MXRA8: variants seen among roughly 807,000 people sequenced by gnomAD.
The protein encoded by MXRA8 is matrix remodeling associated 8.
Under a neutral mutation model 51.4 loss-of-function variants are expected in MXRA8, and 44 were observed. The ratio of observed to expected loss-of-function variants is 0.86; its 90% CI spans 0.67 to 1.10. The LOEUF is 1.10. Ranked by LOEUF, MXRA8 falls within the 50% of genes least tolerant of loss-of-function variation. The probability of loss-of-function intolerance (pLI) is 0.00; values close to 1 mark genes in which losing one functional copy is unlikely to be tolerated. For synonymous variants in MXRA8, 369 were observed against 293.5 expected (o/e 1.26, Z -2.63); for missense variants, 765 against 638.9 (o/e 1.20, Z -2.13).
upstream of MXRA8, among the ~76,000 whole-genome samples, chr1:1,359,887 G>A (rs1232708800): frequency 9.2e-5 from 14 of 152,100 alleles, no homozygotes; most frequent in Non-Finnish European, 2.1e-4. Flanking sequence ...GGCCTCTGCT[G>A]GCCTCTCCTC....
chr1:1,359,943 G>A (rs34389364), upstream of MXRA8, among the ~76,000 whole-genome samples: 115,278 of 152,168 alleles, frequency 0.76, 48,154 homozygotes, highest in Non-Finnish European at 0.93. Flanking sequence ...CTGCCCGCCC[G>A]CCCATGTCTG....
In MXRA8 at chr1:1,354,484, G is replaced by A; in HGVS notation, c.975C>T (p.Asn325=). 3.1e-6 allele frequency: 5 copies of A among 1,612,278 alleles called. 1 individual carries two copies. The highest frequency in any genetic ancestry group is 1.7e-6 in the Non-Finnish European group (2 of 1,179,788). ...GPDPTLARGH[N]VINVIVPESR... is the part of the protein sequence containing the mutation. ...TCTCGGGGACGATGACATTGATGACGTTGTGGCCGCGCGCCAGTGTGGGGT... is the reference window on the plus strand; with the variant it reads ...TCTCGGGGACGATGACATTGATGACATTGTGGCCGCGCGCCAGTGTGGGGT... The change falls in exon 6 of 10, where the codon AAC becomes AAT. Residue 325 remains asparagine (N), a synonymous_variant. Transcript: ENST00000309212.
At position 1,358,449 on chromosome 1, in the gene MXRA8, C is replaced by G. The variant is rs761767156; in HGVS notation, c.49+7G>C. On this transcript the variant is annotated splice_region_variant and intron_variant, in intron 1 of 9. Coordinates refer to ENST00000309212, the MANE Select transcript of MXRA8 (RefSeq NM_032348.4). ...CCCCCACCCGCCTCCCAGGGCCCCA[C>G]ACTCACTCTGCAGAAGCACAAGTTT... 2.5e-6 allele frequency: 4 copies of G among 1,612,164 alleles called. No homozygotes were observed. Among genetic ancestry groups the G allele is most frequent in the Non-Finnish European group, 3.4e-6 (4 of 1,179,066 alleles).
In MXRA8 at chr1:1,354,879, T is replaced by C; in HGVS notation, c.752A>G (p.Glu251Gly). The C allele has an allele frequency of 3.1e-6, 5 of 1,611,624 alleles. No individual in the cohort carries two copies. The highest frequency in any genetic ancestry group is 4.2e-6 in the Non-Finnish European group (5 of 1,179,500). The change falls in exon 5 of 10, where the codon GAG becomes GGG. Residue 251 changes from glutamate (E) to glycine (G), a missense_variant. Physicochemically the swap from Glu to Gly is moderately conservative, Grantham distance 98. Coordinates refer to ENST00000309212, the MANE Select transcript of MXRA8 (RefSeq NM_032348.4). ...GATACGCAGTGAGAAGTCACCGCGCTCAAAGGCATCCGCGCCCACAGCCAC... is the reference window on the plus strand; with the variant it reads ...GATACGCAGTGAGAAGTCACCGCGCCCAAAGGCATCCGCGCCCACAGCCAC... ...DRVAVGADAF[E>G]RGDFSLRIEP...
At chr1:1,353,765 T>C (rs1569776864) in intron 9 of MXRA8, 83 bp downstream of exon 9, 1 of 1,475,014 alleles carries the variant, frequency 6.8e-7, no homozygotes, top group South Asian at 1.3e-5. Context: ...GCCTGGCTGG[T>C]GCCTGCCATC....
Position 1,354,207 on chromosome 1 carries a change from CG to C in MXRA8, c.1130del (p.Ser377TrpfsTer31). The C allele has an allele frequency of 6.2e-7, 1 of 1,612,628 alleles. No individual in the cohort carries two copies. The highest frequency in any genetic ancestry group is 8.5e-7 in the Non-Finnish European group (1 of 1,179,962). ...GGGGCACTCACCCCTTTGACTTTCC[CG>C]ACTTCTGGTCCGAGTATTCGTAGCC... ...RGGYEYSDQK[S>X]GKSKGKDVNL... is the part of the protein sequence containing the mutation. On this transcript the variant is annotated frameshift_variant, in exon 7 of 10. Coordinates refer to ENST00000309212, the MANE Select transcript of MXRA8 (RefSeq NM_032348.4). LOFTEE classifies it high-confidence loss of function.
Position 1,353,882 on chromosome 1 carries a change from G to T in MXRA8, c.1269C>A (p.Ser423Arg), listed in dbSNP as rs371661982. 1 of 1,607,476 alleles carries T rather than the reference G, an allele frequency of 6.2e-7. No individual in the cohort carries two copies. The highest frequency in any genetic ancestry group is 1.7e-4 in the Middle Eastern group (1 of 6,000). ...GGTCGATGTACTTGGCAGGCAGGGG[G>T]CTGTGGGCCAGCTCCGCCCTCTCCT... Reference protein sequence around the residue: ...ILKERAELAHSPLPAKYIDLD... With the variant: ...ILKERAELAHRPLPAKYIDLD... The change falls in exon 9 of 10, where the codon AGC (serine) becomes AGA (arginine). Residue 423 changes from serine to arginine, a missense_variant. Coordinates refer to ENST00000309212, the MANE Select transcript of MXRA8 (RefSeq NM_032348.4).
chr1:1,360,843 T>G (rs1644212022), upstream of MXRA8, among the ~76,000 whole-genome samples: 2 of 152,080 alleles, frequency 1.3e-5, no homozygotes, highest in African/African-American at 4.8e-5. Context: ...TTCACTCCCA[T>G]GAGTGTGCAC....
Position 1,354,420 on chromosome 1 carries a change from C to A in MXRA8, c.1039G>T (p.Ala347Ser). Residue 347 changes from alanine to serine, a missense_variant, in exon 6 of 10, where the codon GCC (alanine) becomes TCC (serine). Transcript: ENST00000309212. The part of the protein sequence containing the change: ...HFFQQLGYVL[A>S]TLLLFILLLV... ...AGCAGGATGAAGAGCAGCAGCGTGG[C>A]CAGCACGTAGCCCAGCTGCTGGAAG... 1 of 1,612,464 alleles carries A rather than the reference C, an allele frequency of 6.2e-7. No individual in the cohort carries two copies. Among genetic ancestry groups the A allele is most frequent in the Non-Finnish European group, 8.5e-7 (1 of 1,179,876 alleles).
chr1:1,353,986 A>C (rs1557680762), intron 8 of MXRA8, 44 bp downstream of exon 8: 8 of 1,402,686 alleles, frequency 5.7e-6, no homozygotes, highest in Non-Finnish European at 6.7e-6. Context: ...CCAGCCCGGG[A>C]CTGGGAGCCG....
chr1:1,353,526 C>T lies in MXRA8; in HGVS notation c.*78G>A, dbSNP rs1026853060. ...CAGCCGCTGGAAGGGGGGTGAGCCC[C>T]GGAGCATCAGGAGATGCCCCGAGGA... On this transcript the variant is annotated 3_prime_UTR_variant, in exon 10 of 10. Transcript: ENST00000309212. 76 of 1,525,386 alleles carry T rather than the reference C, an allele frequency of 5.0e-5. No individual in the cohort carries two copies. Among genetic ancestry groups the T allele is most frequent in the Admixed American group, 6.5e-5 (3 of 46,284 alleles). The allele number at this position is 1,525,386 out of a possible 1,614,324, so 94.5% of individuals were successfully genotyped here.
chr1:1,353,997 C>T (rs766538256), intron 8 of MXRA8, 33 bp downstream of exon 8: 16 of 1,610,858 alleles, frequency 9.9e-6, no homozygotes, highest in South Asian at 3.3e-5. Context: ...CTGGGAGCCG[C>T]GCCTGTGCCC....
At position 1,354,941 on chromosome 1, in the gene MXRA8, C is replaced by T. The variant is rs1222054209; in HGVS notation, c.690G>A (p.Glu230=). The change falls in exon 5 of 10, where the codon GAG becomes GAA. Residue 230 remains glutamate, a synonymous_variant. Transcript: ENST00000309212. ...DRLLDLYASG[E]RRAYGPLFLR... Reference sequence around the variant, plus strand: ...GAAAAAGGGGCCCGTAGGCGCGGCGCTCGCCCGACGCGTAGAGGTCCAGCA... The same window carrying T: ...GAAAAAGGGGCCCGTAGGCGCGGCGTTCGCCCGACGCGTAGAGGTCCAGCA... The T allele has an allele frequency of 1.2e-6, 2 of 1,602,276 alleles. No individual in the cohort carries two copies. The highest frequency in any genetic ancestry group is 1.3e-5 in the African/African-American group (1 of 74,806).
At position 1,355,107 on chromosome 1, in the gene MXRA8, G is replaced by C; in HGVS notation, c.524C>G (p.Ala175Gly). ...AYWDGEKEVL[A>G]VARGAPALLT... Reference sequence around the variant, plus strand: ...AAGCGCGGGTGCGCCGCGCGCCACCGCCAGCACCTCCTTCTCGCCGTCCCA... The same window carrying C: ...AAGCGCGGGTGCGCCGCGCGCCACCCCCAGCACCTCCTTCTCGCCGTCCCA... Residue 175 changes from alanine (A) to glycine (G), a missense_variant, in exon 5 of 10, where the codon GCG becomes GGG. Coordinates refer to ENST00000309212, the MANE Select transcript of MXRA8 (RefSeq NM_032348.4). The C allele has an allele frequency of 4.6e-6, 7 of 1,527,914 alleles. No homozygotes were observed. The highest frequency in any genetic ancestry group is 6.1e-6 in the Non-Finnish European group (7 of 1,150,158). The allele number at this position is 1,527,914 out of a possible 1,614,324, so 94.6% of individuals were successfully genotyped here.
upstream of MXRA8, chr1:1,361,230 A>G (rs1379454469): frequency 4.3e-6 from 3 of 703,500 alleles, no homozygotes; most frequent in South Asian, 4.4e-5. Context: ...AGACACACAC[A>G]GAGACACGGA....
In MXRA8 at chr1:1,354,179, AG is replaced by A. The variant is rs746899197; in HGVS notation, c.1145+13del. On this transcript the variant is annotated intron_variant, in intron 7 of 9. Transcript: ENST00000309212. ...GGCCCTGGTCCCCAGGAGGGCCGGG[AG>A]GGGGGCACTCACCCCTTTGACTTTC... The A allele has an allele frequency of 4.3e-6, 7 of 1,612,602 alleles. No homozygotes were observed. Among genetic ancestry groups the A allele is most frequent in the Admixed American group, 1.7e-5 (1 of 60,000 alleles).
In MXRA8 at chr1:1,358,463, A is replaced by G; in HGVS notation, c.42T>C (p.Leu14=). The change falls in exon 1 of 10, where the codon CTT becomes CTC. Residue 14 remains leucine (L), a synonymous_variant. Coordinates refer to ENST00000309212, the MANE Select transcript of MXRA8 (RefSeq NM_032348.4). ...PSRILLWKLV[L]LQSSAVLLHS... The stretch of plus-strand genomic sequence containing the variant: ...CCAGGGCCCCACACTCACTCTGCAG[A>G]AGCACAAGTTTCCAAAGCAGGATTC... 1.9e-6 allele frequency: 3 copies of G among 1,612,748 alleles called. No individual in the cohort carries two copies. Among genetic ancestry groups the G allele is most frequent in the East Asian group, 2.2e-5 (1 of 44,726 alleles).
upstream of MXRA8, among the ~76,000 whole-genome samples, chr1:1,362,362 G>A (rs188383813): frequency 5.9e-5 from 9 of 152,300 alleles, no homozygotes; most frequent in African/African-American, 1.9e-4. Flanking sequence ...GCCTCCTCTC[G>A]AGTAGTATCT....
Position 1,353,483 on chromosome 1 carries a change from AT to A in MXRA8, c.*120del. 6.6e-7 allele frequency: 1 copy of A among 1,505,272 alleles called. No individual in the cohort carries two copies. 93.2% of individuals were successfully genotyped at this position (1,505,272 alleles called of 1,614,324 possible). ...CGGCCTCTGCATACGCCCAGGCCAAATTCCAGGAAAGCGGGACCAGCCGCTG... is the reference window on the plus strand; with the variant it reads ...CGGCCTCTGCATACGCCCAGGCCAAATCCAGGAAAGCGGGACCAGCCGCTG... On this transcript the variant is annotated 3_prime_UTR_variant, in exon 10 of 10. Transcript: ENST00000309212.
Sources: allele counts gnomAD v4.1 joint callset (sites outside exome capture counted in the v4.1 genomes callset), GRCh38; gene constraint gnomAD v4.1.1; transcripts MANE v1.5; gene names NCBI Gene and HGNC (gene_info 2026-07-23, HGNC 2026-07-21).